The following BRIP1 variants were observed in gnomAD, a reference collection of about 807,000 sequenced individuals.
The protein encoded by BRIP1 is Fanconi anemia group J protein.
BRIP1 carries 88 observed loss-of-function variants against 119.7 expected under a neutral mutation model. That is an observed-to-expected ratio of 0.74 (90% CI 0.62 to 0.88). The LOEUF is 0.88. BRIP1 is among the 40% of genes least tolerant of loss of function. The pLI, the probability that BRIP1 is intolerant of heterozygous loss-of-function variation, is 0.00. For synonymous variants in BRIP1, 443 were observed against 496.5 expected (o/e 0.89, Z 1.43); for missense variants, 1,259 against 1,455.4 (o/e 0.87, Z 2.20).
chr17:61,716,834 T>TCCATATTATTTCCACTACTTG (rs2061885696), intron 16 of BRIP1, among the ~76,000 whole-genome samples: 2 of 14,332 alleles, frequency 1.4e-4, no homozygotes, highest in African/African-American at 9.1e-4. Flanking sequence ...ACTACTGGAT[T>TCCATATTATTTCCACTACTTG]ATTAGCTATG....
chr17:61,782,002 A>T (rs2077628845), intron 11 of BRIP1, among the ~76,000 whole-genome samples: 1 of 152,004 alleles, frequency 6.6e-6, no homozygotes, highest in African/African-American at 2.4e-5. Flanking sequence ...ACTCCTAGAG[A>T]GATTAGATCT....
chr17:61,719,700 G>C (rs2061940465), intron 16 of BRIP1, among the ~76,000 whole-genome samples: 1 of 151,360 alleles, frequency 6.6e-6, no homozygotes, highest in Non-Finnish European at 1.5e-5. Flanking sequence ...ACTCCAGCCT[G>C]GGTGACAGAG....
Position 61,713,115 on chromosome 17 carries a change from T to C in BRIP1, c.2492+2836A>G, listed in dbSNP as rs1294982494. ...TAGTGATGTCACCATTGTAACATTA[T>C]AGCACAATGCATTACAAGTGCTTGT... is the stretch of plus-strand genomic sequence containing the variant. On this transcript the variant is annotated intron_variant, in intron 17 of 19. Coordinates refer to ENST00000259008, the MANE Select transcript of BRIP1 (RefSeq NM_032043.3). This position sits in a 1 kb window ranked among gnomAD's most constrained non-coding sequence, Gnocchi z 4.9. Among the ~76,000 whole-genome samples the C allele has an allele frequency of 8.5e-5, 13 of 152,170 alleles. No homozygotes were observed. The highest frequency in any genetic ancestry group is 1.5e-5 in the Non-Finnish European group (1 of 68,024).
At position 61,753,422 on chromosome 17, in the gene BRIP1, ATGTTGATATGGCAGT is replaced by A. The variant is rs1175493649; in HGVS notation, c.2098-8846_2098-8832del. ...TTGCCTTTAAGATATCCAAATGGAAATGTTGATATGGCAGTTGGGTATATGGGCATAGTACTTAAG... is the reference window on the plus strand; with the variant it reads ...TTGCCTTTAAGATATCCAAATGGAAATGGGTATATGGGCATAGTACTTAAG... On this transcript the variant is annotated intron_variant, in intron 14 of 19. Transcript: ENST00000259008. This position sits in a 1 kb window ranked among gnomAD's most constrained non-coding sequence, Gnocchi z 4.6. Among the ~76,000 whole-genome samples the A allele has an allele frequency of 6.6e-6, 1 of 152,176 alleles. No homozygotes were observed. The highest frequency in any genetic ancestry group is 6.5e-5 in the Admixed American group (1 of 15,272).
chr17:61,768,863 G>C lies in BRIP1; in HGVS notation c.2097+7538C>G, dbSNP rs1232170403. 6.6e-6 allele frequency among the ~76,000 whole-genome samples: 1 copy of C among 152,032 alleles called. No individual in the cohort carries two copies. Among genetic ancestry groups the C allele is most frequent in the African/African-American group, 2.4e-5 (1 of 41,392 alleles). On this transcript the variant is annotated intron_variant, in intron 14 of 19. Transcript: ENST00000259008. The surrounding 1 kb of genome is among the most constrained non-coding windows in gnomAD (Gnocchi z 5.0). ...ATCAAAAGGGAGATTATCTTGGGTGGACCTGACTTAATCAGGTAAAAGTCC... is the reference window on the plus strand; with the variant it reads ...ATCAAAAGGGAGATTATCTTGGGTGCACCTGACTTAATCAGGTAAAAGTCC...
At position 61,720,990 on chromosome 17, in the gene BRIP1, C is replaced by A. The variant is rs930213240; in HGVS notation, c.2380-4927G>T. Among the ~76,000 whole-genome samples the A allele has an allele frequency of 6.6e-6, 1 of 151,202 alleles. No individual in the cohort carries two copies. The highest frequency in any genetic ancestry group is 6.6e-5 in the Admixed American group (1 of 15,172). ...CCAAGTAGCTGGGACTACAGGCGGCCGCCACCATGCCTAGCTAATTTTTGT... is the reference window on the plus strand; with the variant it reads ...CCAAGTAGCTGGGACTACAGGCGGCAGCCACCATGCCTAGCTAATTTTTGT... On this transcript the variant is annotated intron_variant, in intron 16 of 19. Transcript: ENST00000259008. The surrounding 1 kb of genome is among the most constrained non-coding windows in gnomAD (Gnocchi z 4.3).
intron 16 of BRIP1, among the ~76,000 whole-genome samples, chr17:61,732,525 C>T (rs1196612764): frequency 1.3e-5 from 2 of 151,998 alleles, no homozygotes; most frequent in African/African-American, 4.8e-5. Context: ...TCTATTCCAC[C>T]AAAGCATCTT....
Position 61,801,241 on chromosome 17 carries a change from A to G in BRIP1, c.1140+12T>C. 6.3e-7 allele frequency: 1 copy of G among 1,598,212 alleles called. No individual in the cohort carries two copies. The highest frequency in any genetic ancestry group is 8.6e-7 in the Non-Finnish European group (1 of 1,165,604). ...GTAGGAAGAAGGTTCTCATTTTTAC[A>G]CATATACTCACACTTTCCCTTATTT... On this transcript the variant is annotated intron_variant, in intron 8 of 19. Transcript: ENST00000259008.
rs1190608378 is a variant in BRIP1 at position 61,755,906 on chromosome 17, G to A, written c.2098-11315C>T. On this transcript the variant is annotated intron_variant, in intron 14 of 19. Transcript: ENST00000259008. This position sits in a 1 kb window ranked among gnomAD's most constrained non-coding sequence, Gnocchi z 4.5. ...TCTGGGTCTATCCGGATTTTAGTTC[G>A]GGCAAAGAGCTATGAGGAACACTTC... 2.0e-5 allele frequency among the ~76,000 whole-genome samples: 3 copies of A among 152,152 alleles called. No individual in the cohort carries two copies. Among genetic ancestry groups the A allele is most frequent in the African/African-American group, 4.8e-5 (2 of 41,436 alleles).
In BRIP1 at chr17:61,706,074, T is replaced by C. The variant is rs2061686087; in HGVS notation, c.2492+9877A>G. ...TTCAGATCTGTCAGTTTTTGCTTCA[T>C]GTATTTTGAAACCCTGTTTTGGGGT... is the stretch of plus-strand genomic sequence containing the variant. On this transcript the variant is annotated intron_variant, in intron 17 of 19. Transcript: ENST00000259008. The surrounding 1 kb of genome is among the most constrained non-coding windows in gnomAD (Gnocchi z 5.7). Among the ~76,000 whole-genome samples the C allele has an allele frequency of 6.6e-6, 1 of 152,208 alleles. No individual in the cohort carries two copies. The highest frequency in any genetic ancestry group is 1.5e-5 in the Non-Finnish European group (1 of 68,010).
rs1039095333 is a variant in BRIP1, at chr17:61,755,117, T to A, written c.2098-10526A>T. On this transcript the variant is annotated intron_variant, in intron 14 of 19. Transcript: ENST00000259008. This position sits in a 1 kb window ranked among gnomAD's most constrained non-coding sequence, Gnocchi z 4.5. ...GCTGATTGCCCAGTGCATAGAACAG[T>A]ACCTTACATATAGAAAGTGGTCAGT... Among the ~76,000 whole-genome samples, 6 of 152,344 alleles carry A rather than the reference T, an allele frequency of 3.9e-5. No homozygotes were observed. Among genetic ancestry groups the A allele is most frequent in the African/African-American group, 1.4e-4 (6 of 41,582 alleles).
chr17:61,688,784 T>A (rs1254213557), intron 18 of BRIP1, among the ~76,000 whole-genome samples: 3 of 147,684 alleles, frequency 2.0e-5, no homozygotes, highest in African/African-American at 7.4e-5. Context: ...ATGAATTACC[T>A]GGCAAGGAAT....
chr17:61,783,764 T>C (rs2077659478), intron 11 of BRIP1: 1 of 152,050 alleles, frequency 6.6e-6, no homozygotes, highest in Non-Finnish European at 1.5e-5. Context: ...TTTAATGATT[T>C]CAATATTCAT....
At chr17:61,727,535 G>C (rs2076782188) in intron 16 of BRIP1, among the ~76,000 whole-genome samples, 1 of 152,088 alleles carries the variant, frequency 6.6e-6, no homozygotes, top group African/African-American at 2.4e-5. Context: ...GGGAGGATGA[G>C]GCAGGAGGAT....
chr17:61,696,896 G>T (rs2061529893), intron 17 of BRIP1, among the ~76,000 whole-genome samples: 1 of 146,730 alleles, frequency 6.8e-6, no homozygotes, highest in Non-Finnish European at 1.5e-5. Flanking sequence ...TGAGGCAGGA[G>T]AATGGCGTGA....
rs1295193249 is a variant in BRIP1, at chr17:61,709,497, T to C, written c.2492+6454A>G. 3.3e-5 allele frequency among the ~76,000 whole-genome samples: 5 copies of C among 152,078 alleles called. No homozygotes were observed. The highest frequency in any genetic ancestry group is 1.9e-4 in the East Asian group (1 of 5,190). ...CAACAGACCATAACACTGGGAAGGATAGGAAGAAGATTAATATTGTCAATA... is the reference window on the plus strand; with the variant it reads ...CAACAGACCATAACACTGGGAAGGACAGGAAGAAGATTAATATTGTCAATA... On this transcript the variant is annotated intron_variant, in intron 17 of 19. Transcript: ENST00000259008. The surrounding 1 kb of genome is among the most constrained non-coding windows in gnomAD (Gnocchi z 5.0).
rs1427111542 is a variant in BRIP1, at chr17:61,776,569, T to C, written c.1936-7A>G. The C allele has an allele frequency of 1.4e-5, 23 of 1,613,524 alleles. No homozygotes were observed. Among genetic ancestry groups the C allele is most frequent in the Non-Finnish European group, 1.9e-5 (22 of 1,179,472 alleles). On this transcript the variant is annotated splice_polypyrimidine_tract_variant and splice_region_variant and intron_variant, in intron 13 of 19. Coordinates refer to ENST00000259008, the MANE Select transcript of BRIP1 (RefSeq NM_032043.3). The surrounding 1 kb of genome is among the most constrained non-coding windows in gnomAD (Gnocchi z 5.0). ...CAATGGTACCAACCCAAACCTAGAA[T>C]ATGAATATGTCATTATTAGAGTTAT...
At chr17:61,854,634 G>A (rs967821821) in intron 4 of BRIP1, among the ~76,000 whole-genome samples, 2 of 148,916 alleles carry the variant, frequency 1.3e-5, no homozygotes, top group South Asian at 2.1e-4. Context: ...TTGAACCCGA[G>A]AGGCAGAGGT....
At position 61,778,440 on chromosome 17, in the gene BRIP1, T is replaced by C. The variant is rs1567810722; in HGVS notation, c.1935+1821A>G. Reference sequence around the variant, plus strand: ...ACAACATATACATACTTAATAAGACTGAGCTGTATACTCAAAAATGGTTAA... The same window carrying C: ...ACAACATATACATACTTAATAAGACCGAGCTGTATACTCAAAAATGGTTAA... On this transcript the variant is annotated intron_variant, in intron 13 of 19. Coordinates refer to ENST00000259008, the MANE Select transcript of BRIP1 (RefSeq NM_032043.3). This position sits in a 1 kb window ranked among gnomAD's most constrained non-coding sequence, Gnocchi z 4.4. 6.6e-6 allele frequency among the ~76,000 whole-genome samples: 1 copy of C among 152,190 alleles called. No individual in the cohort carries two copies. Among genetic ancestry groups the C allele is most frequent in the Non-Finnish European group, 1.5e-5 (1 of 68,034 alleles).
Sources: allele counts gnomAD v4.1 joint callset (sites outside exome capture counted in the v4.1 genomes callset), GRCh38; gene constraint gnomAD v4.1.1; non-coding constraint Gnocchi (gnomAD v3.1); transcripts MANE v1.5; gene names NCBI Gene and HGNC (gene_info 2026-07-23, HGNC 2026-07-21).